CYP2C18: variants seen among roughly 807,000 people sequenced by gnomAD.
CYP2C18 encodes the protein cytochrome P450 family 2 subfamily C member 18.
In CYP2C18, 38 loss-of-function variants were observed where a neutral mutation model predicts 41.3. The observed-to-expected ratio is 0.92, with a 90% CI of 0.71 to 1.21. The LOEUF is 1.21. Ranked by LOEUF, CYP2C18 falls within the 50% of genes most tolerant of loss-of-function variation. CYP2C18 has a pLI of 0.00. For synonymous variants in CYP2C18, 236 were observed against 210.0 expected (o/e 1.12, Z -1.07); for missense variants, 635 against 591.4 (o/e 1.07, Z -0.77).
At chr10:94,693,237 A>T (rs1847045937) in intron 3 of CYP2C18, among the ~76,000 whole-genome samples, 1 of 152,132 alleles carries the variant, frequency 6.6e-6, no homozygotes, top group South Asian at 2.1e-4. Context: ...TGGATTTTTC[A>T]TGAATAGTTT....
intron 5 of CYP2C18, among the ~76,000 whole-genome samples, chr10:94,719,544 A>G (rs1847613023): frequency 6.6e-6 from 1 of 151,548 alleles, no homozygotes; most frequent in South Asian, 2.1e-4. Flanking sequence ...CTGGGACCAC[A>G]GATATGTGCA....
chr10:94,687,392 T>A (rs1274719741), intron 1 of CYP2C18, among the ~76,000 whole-genome samples: 1 of 152,228 alleles, frequency 6.6e-6, no homozygotes, highest in Non-Finnish European at 1.5e-5. Context: ...TAGGAACTGA[T>A]AAACTGCTCA....
intron 4 of CYP2C18, among the ~76,000 whole-genome samples, chr10:94,706,147 G>A (rs1210261872): frequency 2.0e-5 from 3 of 152,158 alleles, no homozygotes; most frequent in African/African-American, 7.2e-5. Context: ...ATTGGATTTT[G>A]GGGTGTATGA....
rs191275957 is a variant in CYP2C18, at chr10:94,724,346, C to T, written c.962C>T (p.Ala321Val). The change falls in exon 7 of 9, where the codon GCT (alanine) becomes GTT (valine). Residue 321 changes from alanine (A) to valine (V), a missense_variant and splice_region_variant. By Grantham distance (64) the Ala-to-Val change is moderately conservative. Coordinates refer to ENST00000285979, the MANE Select transcript of CYP2C18 (RefSeq NM_000772.3). The stretch of plus-strand genomic sequence containing the variant: ...TCATTTCTTACTTGTGTCTTATCAG[C>T]TAAAGTCCAGGAAGAGATTGAATGT... ...LLLLKYPEVT[A>V]KVQEEIECVV... 6.2e-7 allele frequency: 1 copy of T among 1,613,052 alleles called. No homozygotes were observed. The highest frequency in any genetic ancestry group is 1.3e-5 in the African/African-American group (1 of 74,936).
intron 5 of CYP2C18, among the ~76,000 whole-genome samples, chr10:94,708,162 A>G (rs1847375329): frequency 2.0e-5 from 3 of 152,330 alleles, no homozygotes; most frequent in Admixed American, 6.5e-5. Context: ...GGTGACTTCC[A>G]TGAAATTGCC....
Position 94,706,824 on chromosome 10 carries a change from G to C in CYP2C18, c.683G>C (p.Gly228Ala). The C allele has an allele frequency of 6.2e-7, 1 of 1,605,172 alleles. No homozygotes were observed. ...NFPALIDYLPGSHNKIAENFA... is the reference protein window; with the variant it reads ...NFPALIDYLPASHNKIAENFA... ...CCTGCTCTCATCGATTATCTCCCAGGAAGTCATAATAAAATAGCTGAAAAT... is the reference window on the plus strand; with the variant it reads ...CCTGCTCTCATCGATTATCTCCCAGCAAGTCATAATAAAATAGCTGAAAAT... Residue 228 changes from glycine (G) to alanine (A), a missense_variant, in exon 5 of 9, where the codon GGA (glycine) becomes GCA (alanine). Gly to Ala is a moderately conservative substitution (Grantham distance 60). Coordinates refer to ENST00000285979, the MANE Select transcript of CYP2C18 (RefSeq NM_000772.3).
chr10:94,700,327 A>G (rs943788313), intron 4 of CYP2C18, among the ~76,000 whole-genome samples: 2 of 152,234 alleles, frequency 1.3e-5, no homozygotes, highest in Non-Finnish European at 2.9e-5. Flanking sequence ...AATGCCACAT[A>G]TCTACAACCA....
chr10:94,724,524 C>A lies in CYP2C18; in HGVS notation c.1140C>A (p.Leu380=). ...GTGATGTTAAATTCAAAAACTACCT[C>A]ATCCCCAAGGTAAGCTTGTTTCTCC... ...VTCDVKFKNY[L]IPKGTTIITS... The change falls in exon 7 of 9, where the codon CTC becomes CTA. Residue 380 remains leucine, a synonymous_variant. Coordinates refer to ENST00000285979, the MANE Select transcript of CYP2C18 (RefSeq NM_000772.3). The A allele has an allele frequency of 6.2e-7, 1 of 1,613,332 alleles. No homozygotes were observed. The highest frequency in any genetic ancestry group is 8.5e-7 in the Non-Finnish European group (1 of 1,179,468).
intron 8 of CYP2C18, among the ~76,000 whole-genome samples, chr10:94,734,873 C>T (rs959862509): frequency 1.3e-5 from 2 of 152,116 alleles, no homozygotes; most frequent in African/African-American, 2.4e-5. Context: ...TTTGGCTAAA[C>T]ATTGTGCCAG....
chr10:94,694,961 A>G lies in CYP2C18; in HGVS notation c.526A>G (p.Asn176Asp), dbSNP rs1375728612. The stretch of plus-strand genomic sequence containing the variant: ...TTTCATCCTGGGCTGTGCTCCCTGC[A>G]ATGTGATCTGCTCTGTTATTTTCCA... The part of the protein sequence containing the change: ...PTFILGCAPC[N>D]VICSVIFHDR... Residue 176 changes from asparagine to aspartate, a missense_variant, in exon 4 of 9, where the codon AAT becomes GAT. Physicochemically the swap from Asn to Asp is conservative, Grantham distance 23. Transcript: ENST00000285979. 6.2e-7 allele frequency: 1 copy of G among 1,613,168 alleles called. No individual in the cohort carries two copies. Among genetic ancestry groups the G allele is most frequent in the East Asian group, 2.2e-5 (1 of 44,856 alleles).
At chr10:94,729,591 C>G (rs1432013851) in intron 7 of CYP2C18, among the ~76,000 whole-genome samples, 1 of 152,086 alleles carries the variant, frequency 6.6e-6, no homozygotes, top group African/African-American at 2.4e-5. Context: ...AAAGAGAAGC[C>G]TTTTGCTTGA....
chr10:94,695,898 CTG>C (rs1406839552), intron 4 of CYP2C18, among the ~76,000 whole-genome samples: 1 of 152,122 alleles, frequency 6.6e-6, no homozygotes, highest in Non-Finnish European at 1.5e-5. Context: ...GCACAGCAGT[CTG>C]AGATCAAACT....
chr10:94,700,053 C>G (rs1290699846), intron 4 of CYP2C18, among the ~76,000 whole-genome samples: 2 of 152,108 alleles, frequency 1.3e-5, no homozygotes, highest in African/African-American at 4.8e-5. Context: ...CCATACTGCC[C>G]AAGGTAATTT....
intron 5 of CYP2C18, among the ~76,000 whole-genome samples, chr10:94,709,158 C>A (rs1315343997): frequency 1.3e-5 from 2 of 152,106 alleles, no homozygotes; most frequent in Non-Finnish European, 1.5e-5. Flanking sequence ...GGATCAAAGA[C>A]CTAAATGTAA....
intron 5 of CYP2C18, among the ~76,000 whole-genome samples, chr10:94,718,349 G>A (rs1012929754): frequency 6.6e-6 from 1 of 152,046 alleles, no homozygotes; most frequent in Admixed American, 6.6e-5. Context: ...TTTTGGTGAT[G>A]TGTTTAAGGT....
At chr10:94,703,428 T>C (rs994590659) in intron 4 of CYP2C18, among the ~76,000 whole-genome samples, 1 of 152,196 alleles carries the variant, frequency 6.6e-6, no homozygotes, top group Non-Finnish European at 1.5e-5. Flanking sequence ...ACAGATGCCA[T>C]GCCCAGAGAG....
At position 94,712,008 on chromosome 10, in the gene CYP2C18, A is replaced by ATTTTTTT. The variant is rs35672164; in HGVS notation, c.819+5062_819+5068dup. On this transcript the variant is annotated intron_variant, in intron 5 of 8. Coordinates refer to ENST00000285979, the MANE Select transcript of CYP2C18 (RefSeq NM_000772.3). ...AGGTGCATGCCACCATGCCCAACTA[A>ATTTTTTT]TTTTTTTTTTTTTTTTTTTTGTAGA... 4.4e-4 allele frequency among the ~76,000 whole-genome samples: 43 copies of ATTTTTTT among 97,860 alleles called. 1 individual carries two copies. In the East Asian group the frequency reaches 4.9e-3, roughly 11 times the overall value. The allele number at this position is 97,860 out of a possible 152,430, so 64.2% of individuals were successfully genotyped here.
intron 5 of CYP2C18, among the ~76,000 whole-genome samples, chr10:94,707,807 C>T (rs1056524415): frequency 1.3e-5 from 2 of 152,036 alleles, no homozygotes; most frequent in African/African-American, 2.4e-5. Context: ...CAGATAGGAG[C>T]CAAATGATAG....
At chr10:94,729,785 G>A (rs1422927995) in intron 7 of CYP2C18, among the ~76,000 whole-genome samples, 3 of 152,056 alleles carry the variant, frequency 2.0e-5, no homozygotes, top group Non-Finnish European at 4.4e-5. Context: ...AATGAGGGAG[G>A]ACTTTTGTAT....
Sources: gnomAD v4.1 joint callset for allele counts (sites outside exome capture counted in the v4.1 genomes callset) on GRCh38, gnomAD v4.1.1 for gene constraint, MANE v1.5 for transcripts, NCBI Gene and HGNC (gene_info 2026-07-23, HGNC 2026-07-21) for gene names.